CNTNAP3: variants seen among roughly 807,000 people sequenced by gnomAD.
CNTNAP3 encodes contactin associated protein family member 3.
CNTNAP3 carries 36 observed loss-of-function variants against 92.1 expected under a neutral mutation model. That is an observed-to-expected ratio of 0.39 (90% CI 0.30 to 0.52). CNTNAP3 has a LOEUF of 0.52. Ranked by LOEUF, CNTNAP3 falls within the 20% of genes least tolerant of loss-of-function variation. The pLI is 0.76. For missense variants in CNTNAP3, 534 were observed against 1,069.6 expected, an observed-to-expected ratio of 0.50 and a Z score of 6.98; for synonymous variants, 232 against 422.3, an observed-to-expected ratio of 0.55 and a Z score of 5.53.
chr9:39,073,731 G>T lies in CNTNAP3; in HGVS notation c.*159C>A, dbSNP rs928016447. The T allele has an allele frequency of 1.1e-5, 17 of 1,564,646 alleles. No individual in the cohort carries two copies. The Admixed American group carries it at 2.9e-4, about 26-fold the overall frequency. The stretch of plus-strand genomic sequence containing the variant: ...TCCGAGGCTGCAGGTCTTCAGCCAG[G>T]TGACAGCACTGCACCTGCTTGTGTG... On this transcript the variant is annotated 3_prime_UTR_variant, in exon 24 of 24. Transcript: ENST00000297668.
chr9:39,146,854 T>C (rs1821714862), intron 10 of CNTNAP3, among the ~76,000 whole-genome samples: 1 of 152,138 alleles, frequency 6.6e-6, no homozygotes, highest in African/African-American at 2.4e-5. Flanking sequence ...GATTTTTAGG[T>C]CTGGTATTTG....
chr9:39,123,341 G>A (rs1254889125), intron 13 of CNTNAP3, among the ~76,000 whole-genome samples: 15 of 151,976 alleles, frequency 9.9e-5, no homozygotes, highest in Non-Finnish European at 1.6e-4. Flanking sequence ...TGATCCGCCC[G>A]CCTCGGCCTC....
Position 39,067,671 on chromosome 9 carries a change from C to T in CNTNAP3, c.*6219G>A, listed in dbSNP as rs1479354718. Among the ~76,000 whole-genome samples the T allele has an allele frequency of 6.6e-6, 1 of 152,308 alleles. No individual in the cohort carries two copies. The highest frequency in any genetic ancestry group is 6.5e-5 in the Admixed American group (1 of 15,294). ...TCGACCTCCCAAAGTGCTGGGATTA[C>T]AGGCATGAGCCACTGTGCCCGGCCT... On this transcript the variant is annotated 3_prime_UTR_variant, in exon 24 of 24. Transcript: ENST00000297668.
At chr9:39,130,496 T>C (rs1821256070) in intron 13 of CNTNAP3, among the ~76,000 whole-genome samples, 1 of 100,662 alleles carries the variant, frequency 9.9e-6, no homozygotes, top group African/African-American at 4.5e-5. Flanking sequence ...GGAGGAATTC[T>C]TTTTTTTTTT....
At chr9:39,126,949 A>G (rs1398724285) in intron 13 of CNTNAP3, among the ~76,000 whole-genome samples, 2 of 151,634 alleles carry the variant, frequency 1.3e-5, no homozygotes, top group Non-Finnish European at 3.0e-5. Context: ...AGAATAGCAG[A>G]ATATACATTT....
At chr9:39,094,652 C>T (rs1826287443) in intron 18 of CNTNAP3, among the ~76,000 whole-genome samples, 1 of 151,594 alleles carries the variant, frequency 6.6e-6, no homozygotes, top group East Asian at 1.9e-4. Flanking sequence ...CATCAATTGA[C>T]TGTATGTACG....
In CNTNAP3 at chr9:39,118,400, T is replaced by C. The variant is rs943055858; in HGVS notation, c.2081-141A>G. 3 of 1,208,996 alleles carry C rather than the reference T, an allele frequency of 2.5e-6. No individual in the cohort carries two copies. The African/African-American group carries it at 4.5e-5, about 18-fold the overall frequency. The allele number at this position is 1,208,996 out of a possible 1,614,324, so 74.9% of individuals were successfully genotyped here. A position where few individuals can be genotyped will look rare whatever the true frequency, so the allele number is the denominator to read the frequency against. Reference sequence around the variant, plus strand: ...AAATGAAACTATACTTAAATACTTGTATTTTACCTCTGAAACGTTTATTTA... The same window carrying C: ...AAATGAAACTATACTTAAATACTTGCATTTTACCTCTGAAACGTTTATTTA... On this transcript the variant is annotated intron_variant, in intron 13 of 23. Transcript: ENST00000297668.
Position 39,068,583 on chromosome 9 carries a change from T to C in CNTNAP3, c.*5307A>G, listed in dbSNP as rs1363498005. 6.6e-6 allele frequency among the ~76,000 whole-genome samples: 1 copy of C among 152,308 alleles called. No individual in the cohort carries two copies. The highest frequency in any genetic ancestry group is 1.9e-4 in the East Asian group (1 of 5,204). On this transcript the variant is annotated 3_prime_UTR_variant, in exon 24 of 24. Transcript: ENST00000297668. ...GTTTCTTTCCCTTGCCTCAGGTAGT[T>C]TCATGCACTTTGTTACACACTGAAG... is the stretch of plus-strand genomic sequence containing the variant.
intron 15 of CNTNAP3, among the ~76,000 whole-genome samples, chr9:39,104,777 G>A (rs1222310457): frequency 1.3e-5 from 2 of 151,992 alleles, no homozygotes; most frequent in African/African-American, 2.4e-5. Context: ...TTCATGTTGT[G>A]CATTTTTGTC....
intron 18 of CNTNAP3, among the ~76,000 whole-genome samples, chr9:39,094,167 T>C (rs1343994877): frequency 1.3e-5 from 2 of 151,676 alleles, no homozygotes; most frequent in African/African-American, 4.8e-5. Flanking sequence ...TGACTCTGTA[T>C]ATCTTTTTGG....
At chr9:39,146,067 T>G (rs967014066) in intron 10 of CNTNAP3, among the ~76,000 whole-genome samples, 5 of 152,084 alleles carry the variant, frequency 3.3e-5, no homozygotes, top group Non-Finnish European at 5.9e-5. Flanking sequence ...TAAGAACTAT[T>G]TAAGTGATCT....
At chr9:39,102,800 C>T (rs1213902809) in intron 16 of CNTNAP3, 85 bp from the exon 17 acceptor site, 21 of 1,140,816 alleles carry the variant, frequency 1.8e-5, no homozygotes, top group Non-Finnish European at 2.6e-5. Context: ...TGAAGGCACG[C>T]TCAGGATGGA....
chr9:39,129,689 A>G (rs1024992337), intron 13 of CNTNAP3, among the ~76,000 whole-genome samples: 3 of 152,216 alleles, frequency 2.0e-5, no homozygotes, highest in Admixed American at 1.3e-4. Context: ...GAGTCGATGA[A>G]TAGGCAAGCA....
chr9:39,124,397 AAAG>A (rs1319639470), intron 13 of CNTNAP3, among the ~76,000 whole-genome samples: 1 of 152,138 alleles, frequency 6.6e-6, no homozygotes, highest in Non-Finnish European at 1.5e-5. Context: ...AACAAATAAA[AAAG>A]AGTTACAATA....
Position 39,103,602 on chromosome 9 carries a change from A to G in CNTNAP3, c.2536+142T>C. 2.8e-6 allele frequency: 3 copies of G among 1,090,780 alleles called. No homozygotes were observed. In the South Asian group the frequency reaches 5.5e-5, roughly 20 times the overall value. 67.6% of individuals were successfully genotyped at this position (1,090,780 alleles called of 1,614,324 possible). A position where few individuals can be genotyped will look rare whatever the true frequency, so the allele number is the denominator to read the frequency against. On this transcript the variant is annotated intron_variant, in intron 16 of 23. Coordinates refer to ENST00000297668, the MANE Select transcript of CNTNAP3 (RefSeq NM_033655.5). ...CTCTCCCTCTCTCAAAAAAAAAAAA[A>G]TTACCTAAAATCATAGAAGTTTAGT...
chr9:39,087,230 T>A (rs1826080320), intron 19 of CNTNAP3, among the ~76,000 whole-genome samples: 1 of 152,218 alleles, frequency 6.6e-6, no homozygotes. Flanking sequence ...CAACATTCAG[T>A]TCCTGTAATT....
chr9:39,135,502 G>C, intron 12 of CNTNAP3, among the ~76,000 whole-genome samples: 1 of 152,120 alleles, frequency 6.6e-6, no homozygotes, highest in Non-Finnish European at 1.5e-5. Flanking sequence ...GTAACACGTT[G>C]ATCCCTGTTC....
At chr9:39,125,905 T>C (rs1807414333) in intron 13 of CNTNAP3, among the ~76,000 whole-genome samples, 1 of 152,152 alleles carries the variant, frequency 6.6e-6, no homozygotes, top group Admixed American at 6.6e-5. Context: ...AACACCCCTC[T>C]ATGAGTAAGT....
At chr9:39,091,850 C>T (rs1236456997) in intron 18 of CNTNAP3, among the ~76,000 whole-genome samples, 2 of 151,692 alleles carry the variant, frequency 1.3e-5, no homozygotes, top group African/African-American at 4.8e-5. Flanking sequence ...TTGTTTGAAA[C>T]CATCTGGACC....
Sources: allele counts gnomAD v4.1 joint callset (sites outside exome capture counted in the v4.1 genomes callset), GRCh38; gene constraint gnomAD v4.1.1; transcripts MANE v1.5; gene names NCBI Gene and HGNC (gene_info 2026-07-23, HGNC 2026-07-21).